The following CLSTN1 variants were observed in gnomAD, a reference collection of about 807,000 sequenced individuals.
CLSTN1 encodes calsyntenin 1.
A neutral mutation model predicts 108.3 loss-of-function variants in CLSTN1; 28 were observed. The observed-to-expected ratio is 0.26, with a 90% CI of 0.19 to 0.35. The LOEUF (loss-of-function observed/expected upper bound fraction) is 0.35, where lower values mean the gene tolerates loss of function less well. Among genes scored for constraint, CLSTN1 ranks in the 10% least tolerant of loss-of-function variants. CLSTN1 has a pLI of 1.00. For missense variants in CLSTN1, 1,157 were observed against 1,302.6 expected (o/e 0.89, Z 1.72); for synonymous variants, 524 against 534.9 (o/e 0.98, Z 0.28).
chr1:9,820,295 G>A (rs1476302338), intron 1 of CLSTN1, among the ~76,000 whole-genome samples: 4 of 152,220 alleles, frequency 2.6e-5, no homozygotes, highest in Admixed American at 2.0e-4. Flanking sequence ...AGAGGCAGGC[G>A]GATCACTTGA....
In CLSTN1 at chr1:9,731,771, G is replaced by A; in HGVS notation, c.2553C>T (p.His851=). Residue 851 remains histidine (H), a synonymous_variant, in exon 17 of 19, where the codon CAC becomes CAT. Coordinates refer to ENST00000377298, the MANE Select transcript of CLSTN1 (RefSeq NM_001009566.3). ...CTCCCCATGTCCTACCTGCGAACGG[G>A]TGGGGGTTGGCCAGGTTGTGGCCTG... is the stretch of plus-strand genomic sequence containing the variant. ...DLSGHNLANP[H]PFAVVPSTAT... 1 of 1,614,242 alleles carries A rather than the reference G, an allele frequency of 6.2e-7. No homozygotes were observed. Among genetic ancestry groups the A allele is most frequent in the South Asian group, 1.1e-5 (1 of 91,090 alleles).
In CLSTN1 at chr1:9,730,628, C is replaced by A; in HGVS notation, c.2826G>T (p.Glu942Asp). Residue 942 changes from glutamate to aspartate, a missense_variant, in exon 19 of 19, where the codon GAG (glutamate) becomes GAT (aspartate). By Grantham distance (45) the Glu-to-Asp change is conservative (BLOSUM62 2). Coordinates refer to ENST00000377298, the MANE Select transcript of CLSTN1 (RefSeq NM_001009566.3). This position sits in a 1 kb window ranked among gnomAD's most constrained non-coding sequence, Gnocchi z 5.6. The part of the protein sequence containing the change: ...EEEESEDGEE[E>D]DDITSAESES... Reference sequence around the variant, plus strand: ...CCGACTCGGCGCTGGTGATGTCATCCTCTTCTTCGCCGTCCTCGCTTTCCT... The same window carrying A: ...CCGACTCGGCGCTGGTGATGTCATCATCTTCTTCGCCGTCCTCGCTTTCCT... The A allele has an allele frequency of 1.2e-6, 2 of 1,610,582 alleles. No homozygotes were observed. Among genetic ancestry groups the A allele is most frequent in the Non-Finnish European group, 1.7e-6 (2 of 1,179,900 alleles).
intron 17 of CLSTN1, among the ~76,000 whole-genome samples, 168 bp downstream of exon 17, chr1:9,731,593 C>T (rs747342390): frequency 3.9e-5 from 6 of 152,342 alleles, no homozygotes; most frequent in South Asian, 2.1e-4. Flanking sequence ...CTGCGGGTGA[C>T]ATCATCTGCC....
At position 9,764,948 on chromosome 1, in the gene CLSTN1, T is replaced by A. The variant is rs563585571; in HGVS notation, c.214+8324A>T. Reference sequence around the variant, plus strand: ...GGGTGGTGTCTACATCCAAAATGGGTCCATTCAAGTCAATCACGGTTAATA... The same window carrying A: ...GGGTGGTGTCTACATCCAAAATGGGACCATTCAAGTCAATCACGGTTAATA... On this transcript the variant is annotated intron_variant, in intron 2 of 18. Coordinates refer to ENST00000377298, the MANE Select transcript of CLSTN1 (RefSeq NM_001009566.3). Among the ~76,000 whole-genome samples, 3 of 152,244 alleles carry A rather than the reference T, an allele frequency of 2.0e-5. No homozygotes were observed. The South Asian group carries it at 6.2e-4, about 32-fold the overall frequency.
At position 9,735,518 on chromosome 1, in the gene CLSTN1, C is replaced by T. The variant is rs1394547462; in HGVS notation, c.1832G>A (p.Arg611Gln). 7.4e-6 allele frequency: 12 copies of T among 1,614,038 alleles called. No individual in the cohort carries two copies. Among genetic ancestry groups the T allele is most frequent in the African/African-American group, 1.3e-5 (1 of 74,906 alleles). ...GCGAATTCCGGGCGTGGGGAACTGC[C>T]GGGAGTTCAGGTACGAGATGTGCTG... ...AMQHISYLNS[R>Q]QFPTPGIRRL... is the part of the protein sequence containing the mutation. Residue 611 changes from arginine (R) to glutamine (Q), a missense_variant, in exon 13 of 19, where the codon CGG (arginine) becomes CAG (glutamine). Transcript: ENST00000377298.
intron 1 of CLSTN1, among the ~76,000 whole-genome samples, chr1:9,818,758 C>G (rs1655078897): frequency 7.1e-6 from 1 of 141,486 alleles, no homozygotes. Context: ...CTTATAAAGA[C>G]ATATTTCTTC....
rs759225595 is a variant in CLSTN1 at position 9,749,476 on chromosome 1, G to T, written c.970C>A (p.Leu324Ile). 1 of 1,611,664 alleles carries T rather than the reference G, an allele frequency of 6.2e-7. No individual in the cohort carries two copies. The highest frequency in any genetic ancestry group is 1.1e-5 in the South Asian group (1 of 91,014). The change falls in exon 7 of 19, where the codon CTC (leucine) becomes ATC (isoleucine). Residue 324 changes from leucine (L) to isoleucine (I), a missense_variant. Coordinates refer to ENST00000377298, the MANE Select transcript of CLSTN1 (RefSeq NM_001009566.3). ...CDRDTYSEKS[L>I]HRLCGAAAGT... The stretch of plus-strand genomic sequence containing the variant: ...GTCTCCTTACCACAGAGCCGGTGGA[G>T]GGACTTCTCTGAGTAGGTGTCTCGG...
intron 13 of CLSTN1, 122 bp from the exon 14 acceptor site, chr1:9,735,296 G>A (rs1650624996): frequency 7.4e-7 from 1 of 1,359,802 alleles, no homozygotes; most frequent in Non-Finnish European, 1.0e-6. Flanking sequence ...GCCACTCCAG[G>A]AACACACTTG....
Position 9,743,993 on chromosome 1 carries a change from T to A in CLSTN1, c.1247A>T (p.His416Leu), listed in dbSNP as rs762824452. 6.2e-7 allele frequency: 1 copy of A among 1,613,686 alleles called. No individual in the cohort carries two copies. The highest frequency in any genetic ancestry group is 1.3e-5 in the African/African-American group (1 of 74,932). Residue 416 changes from histidine (H) to leucine (L), a missense_variant, in exon 9 of 19, where the codon CAC becomes CTC. Coordinates refer to ENST00000377298, the MANE Select transcript of CLSTN1 (RefSeq NM_001009566.3). ...CCCGTGGACATAGAGGGAGTAGTGG[T>A]GCCGATTCATATCTGCAAAGGCAGT... ...CSSDKTDMNRHHYSLYVHGCR... is the reference protein window; with the variant it reads ...CSSDKTDMNRLHYSLYVHGCR...
At chr1:9,766,295 C>G (rs1455808627) in intron 2 of CLSTN1, among the ~76,000 whole-genome samples, 2 of 152,188 alleles carry the variant, frequency 1.3e-5, no homozygotes, top group Non-Finnish European at 2.9e-5. Flanking sequence ...AATGCATCAT[C>G]TTCAAGGCCC....
chr1:9,821,250 A>C (rs924264795), intron 1 of CLSTN1, among the ~76,000 whole-genome samples: 1 of 152,196 alleles, frequency 6.6e-6, no homozygotes, highest in East Asian at 1.9e-4. Flanking sequence ...CTCCTGCCTC[A>C]GCCTCCCAAG....
At chr1:9,756,640 T>C (rs771066436) in intron 2 of CLSTN1, 130 bp from the exon 3 acceptor site, 12 of 694,276 alleles carry the variant, frequency 1.7e-5, no homozygotes, top group Non-Finnish European at 2.7e-5. Context: ...GCTTCTACGA[T>C]TGCTACAGCA....
chr1:9,770,106 A>G (rs1239931490), intron 2 of CLSTN1, among the ~76,000 whole-genome samples: 3 of 152,262 alleles, frequency 2.0e-5, no homozygotes, highest in Admixed American at 2.0e-4. Context: ...AAAATATTAT[A>G]TGAGTAACTG....
chr1:9,798,105 AGAGAGAGG>A (rs200574835), intron 1 of CLSTN1, among the ~76,000 whole-genome samples: 1,870 of 132,244 alleles, frequency 0.014, 28 homozygotes, highest in East Asian at 0.045. Flanking sequence ...CAACAAAGAA[AGAGAGAGG>A]GAGAGAGGGA....
chr1:9,773,699 C>A (rs1036619601), intron 1 of CLSTN1, among the ~76,000 whole-genome samples: 2 of 152,098 alleles, frequency 1.3e-5, no homozygotes, highest in African/African-American at 4.8e-5. Flanking sequence ...CTGTTTTCAG[C>A]CTATCACTGA....
Position 9,729,270 on chromosome 1 carries a change from C to G in CLSTN1, c.*1238G>C, listed in dbSNP as rs1223679311. The G allele has an allele frequency of 6.6e-6, 1 of 152,498 alleles. No individual in the cohort carries two copies. Among genetic ancestry groups the G allele is most frequent in the Non-Finnish European group, 1.5e-5 (1 of 68,026 alleles). The allele number at this position is 152,498 out of a possible 1,614,324, so 9.4% of individuals were successfully genotyped here. ...GAACAGTATTCAAAATGATTGCCCA[C>G]CTGTTTTAGAAATCTAAAATTTTAC... On this transcript the variant is annotated 3_prime_UTR_variant, in exon 19 of 19. Coordinates refer to ENST00000377298, the MANE Select transcript of CLSTN1 (RefSeq NM_001009566.3).
rs756922857 is a variant in CLSTN1, at chr1:9,730,460, G to A, written c.*48C>T. ...GACCCTTGGGACTGGGAGAACGGAT[G>A]GCAGCAGAGTCTTCGAAAGCAGAAA... On this transcript the variant is annotated 3_prime_UTR_variant, in exon 19 of 19. Coordinates refer to ENST00000377298, the MANE Select transcript of CLSTN1 (RefSeq NM_001009566.3). The surrounding 1 kb of genome is among the most constrained non-coding windows in gnomAD (Gnocchi z 5.6). 6.5e-7 allele frequency: 1 copy of A among 1,543,268 alleles called. No homozygotes were observed. Among genetic ancestry groups the A allele is most frequent in the Non-Finnish European group, 8.8e-7 (1 of 1,130,090 alleles).
At chr1:9,732,231 G>A (rs1055963708) in intron 16 of CLSTN1, among the ~76,000 whole-genome samples, 3 of 151,948 alleles carry the variant, frequency 2.0e-5, no homozygotes, top group Admixed American at 6.6e-5. Context: ...TGTGTTGCCC[G>A]GGCTGGAGCG....
chr1:9,760,682 G>A lies in CLSTN1; in HGVS notation c.215-4172C>T, dbSNP rs529127155. On this transcript the variant is annotated intron_variant, in intron 2 of 18. Coordinates refer to ENST00000377298, the MANE Select transcript of CLSTN1 (RefSeq NM_001009566.3). The stretch of plus-strand genomic sequence containing the variant: ...CCACAGGTGCATGCCACCCATTCCC[G>A]GGTTTTTTTTTTTTTTTTTTTTTTT... 3.8e-3 allele frequency among the ~76,000 whole-genome samples: 545 copies of A among 144,488 alleles called. 8 individuals carry two copies. The highest frequency in any genetic ancestry group is 0.014 in the African/African-American group (527 of 37,230). The allele number at this position is 144,488 out of a possible 152,430, so 94.8% of individuals were successfully genotyped here. A position where few individuals can be genotyped will look rare whatever the true frequency, so the allele number is the denominator to read the frequency against.
Sources: allele counts gnomAD v4.1 joint callset (sites outside exome capture counted in the v4.1 genomes callset), GRCh38; gene constraint gnomAD v4.1.1; non-coding constraint Gnocchi (gnomAD v3.1); transcripts MANE v1.5; gene names NCBI Gene and HGNC (gene_info 2026-07-23, HGNC 2026-07-21).